Variants in CLVS2 observed in about 807,000 individuals in gnomAD.
CLVS2 encodes clavesin-2.
In CLVS2, 19 loss-of-function variants were observed where a neutral mutation model predicts 29.0. The ratio of observed to expected loss-of-function variants is 0.66; its 90% CI spans 0.46 to 0.96. CLVS2 has a LOEUF of 0.96. Ranked by LOEUF, CLVS2 falls within the 40% of genes least tolerant of loss-of-function variation. CLVS2 has a pLI of 0.00. For synonymous variants in CLVS2, 161 were observed against 151.3 expected (o/e 1.06, Z -0.47); for missense variants, 294 against 404.1 (o/e 0.73, Z 2.34).
At chr6:122,998,231 T>G in intron 2 of CLVS2, 65 bp downstream of exon 2, 1 of 1,501,334 alleles carries the variant, frequency 6.7e-7, no homozygotes, top group East Asian at 2.3e-5. Context: ...TTACCCCGAG[T>G]AGTGTCATGG....
intron 3 of CLVS2, among the ~76,000 whole-genome samples, chr6:123,034,944 G>T (rs964925557): frequency 2.6e-5 from 4 of 152,098 alleles, no homozygotes; most frequent in Non-Finnish European, 2.9e-5. Flanking sequence ...TCTGACTGGT[G>T]TAAAGTAAAA....
rs1772859991 is a variant in CLVS2 at position 123,066,631 on chromosome 6, C to A, written c.*2870C>A. Reference sequence around the variant, plus strand: ...AAGCTGGTTTAAAAATAAATAACTTCTCTTATGTTGTCAGTGATGTTTGCC... The same window carrying A: ...AAGCTGGTTTAAAAATAAATAACTTATCTTATGTTGTCAGTGATGTTTGCC... On this transcript the variant is annotated 3_prime_UTR_variant, in exon 6 of 6. Coordinates refer to ENST00000275162, the MANE Select transcript of CLVS2 (RefSeq NM_001010852.4). The A allele has an allele frequency of 6.6e-6, 1 of 151,666 alleles. No individual in the cohort carries two copies. The highest frequency in any genetic ancestry group is 6.6e-5 in the Admixed American group (1 of 15,154). 9.4% of individuals were successfully genotyped at this position (151,666 alleles called of 1,614,324 possible).
chr6:122,999,619 T>C (rs1774560577), intron 2 of CLVS2, among the ~76,000 whole-genome samples: 2 of 152,202 alleles, frequency 1.3e-5, no homozygotes, highest in Admixed American at 1.3e-4. Flanking sequence ...ATCCTAAAAG[T>C]ACATTGTAGG....
chr6:123,056,611 C>T (rs1011111985), intron 5 of CLVS2, among the ~76,000 whole-genome samples: 1 of 152,176 alleles, frequency 6.6e-6, no homozygotes, highest in African/African-American at 2.4e-5. Flanking sequence ...CCTTGGAAGT[C>T]ACCAAATCTG....
At chr6:123,012,713 T>C (rs1774767826) in intron 3 of CLVS2, among the ~76,000 whole-genome samples, 1 of 152,028 alleles carries the variant, frequency 6.6e-6, no homozygotes, top group Non-Finnish European at 1.5e-5. Context: ...TCTGTGCTTA[T>C]GTCTAGTGAA....
At chr6:123,042,163 A>T (rs1052137206) in intron 3 of CLVS2, among the ~76,000 whole-genome samples, 1 of 152,020 alleles carries the variant, frequency 6.6e-6, no homozygotes, top group Non-Finnish European at 1.5e-5. Context: ...TCAAGTAAAA[A>T]CCCTTTCTAA....
In CLVS2 at chr6:123,066,815, T is replaced by C. The variant is rs1480047052; in HGVS notation, c.*3054T>C. 4.0e-5 allele frequency: 6 copies of C among 151,762 alleles called. No homozygotes were observed. Among genetic ancestry groups the C allele is most frequent in the Non-Finnish European group, 7.4e-5 (5 of 67,748 alleles). 9.4% of individuals were successfully genotyped at this position (151,762 alleles called of 1,614,324 possible). The stretch of plus-strand genomic sequence containing the variant: ...AAAAAGTAAATACGTAAATCTATAT[T>C]ATATAGGTGAAATATAGATATCATT... On this transcript the variant is annotated 3_prime_UTR_variant, in exon 6 of 6. Transcript: ENST00000275162.
chr6:123,042,398 A>G (rs73543792), intron 3 of CLVS2, among the ~76,000 whole-genome samples: 4,915 of 152,246 alleles, frequency 0.032, 243 homozygotes, highest in African/African-American at 0.11. Context: ...TGGCTTCTAC[A>G]CAATTCCTTG....
intron 5 of CLVS2, among the ~76,000 whole-genome samples, chr6:123,061,072 G>C (rs191563095): frequency 6.6e-6 from 1 of 152,200 alleles, no homozygotes; most frequent in Admixed American, 6.5e-5. Flanking sequence ...AGGCCAAAGC[G>C]GGTGGATCAC....
At position 123,066,114 on chromosome 6, in the gene CLVS2, T is replaced by C. The variant is rs1228546838; in HGVS notation, c.*2353T>C. The stretch of plus-strand genomic sequence containing the variant: ...TGAAATTACCATATCTAGTTCATTC[T>C]GTGAATAAACTCATTTTCTAGTAAT... On this transcript the variant is annotated 3_prime_UTR_variant, in exon 6 of 6. Coordinates refer to ENST00000275162, the MANE Select transcript of CLVS2 (RefSeq NM_001010852.4). The C allele has an allele frequency of 2.0e-5, 3 of 151,750 alleles. No individual in the cohort carries two copies. Among genetic ancestry groups the C allele is most frequent in the Non-Finnish European group, 4.4e-5 (3 of 67,746 alleles). The allele number at this position is 151,750 out of a possible 1,614,324, so 9.4% of individuals were successfully genotyped here.
Position 123,070,764 on chromosome 6 carries a change from TTAGA to T in CLVS2, c.*7006_*7009del, listed in dbSNP as rs1396082432. Reference sequence around the variant, plus strand: ...TTCTCTACCCCGTTCTTGCCTTTTCTTAGATAATCTCTTAAGAATCTCTCCTTTA... The same window carrying T: ...TTCTCTACCCCGTTCTTGCCTTTTCTTAATCTCTTAAGAATCTCTCCTTTA... On this transcript the variant is annotated 3_prime_UTR_variant, in exon 6 of 6. Coordinates refer to ENST00000275162, the MANE Select transcript of CLVS2 (RefSeq NM_001010852.4). The T allele has an allele frequency of 6.6e-6, 1 of 152,140 alleles. No homozygotes were observed. Among genetic ancestry groups the T allele is most frequent in the South Asian group, 2.1e-4 (1 of 4,826 alleles). 9.4% of individuals were successfully genotyped at this position (152,140 alleles called of 1,614,324 possible). A position where few individuals can be genotyped will look rare whatever the true frequency, so the allele number is the denominator to read the frequency against.
At chr6:123,034,329 T>C (rs1421917788) in intron 3 of CLVS2, among the ~76,000 whole-genome samples, 2 of 152,120 alleles carry the variant, frequency 1.3e-5, no homozygotes, top group Admixed American at 1.3e-4. Flanking sequence ...AATAGGTGAA[T>C]GGTTAAAGCT....
rs1233085331 is a variant in CLVS2 at position 123,066,944 on chromosome 6, G to A, written c.*3183G>A. ...ACTTTAGTACATGTTAATGATAAAC[G>A]TGGCACTAGGCTAAAACGATATACG... On this transcript the variant is annotated 3_prime_UTR_variant, in exon 6 of 6. Coordinates refer to ENST00000275162, the MANE Select transcript of CLVS2 (RefSeq NM_001010852.4). 5 of 151,756 alleles carry A rather than the reference G, an allele frequency of 3.3e-5. No homozygotes were observed. Among genetic ancestry groups the A allele is most frequent in the East Asian group, 3.9e-4 (2 of 5,176 alleles). 9.4% of individuals were successfully genotyped at this position (151,756 alleles called of 1,614,324 possible).
chr6:123,030,453 A>G (rs1348184081), intron 3 of CLVS2, among the ~76,000 whole-genome samples: 1 of 152,170 alleles, frequency 6.6e-6, no homozygotes, highest in Non-Finnish European at 1.5e-5. Context: ...ACCTAAAACT[A>G]TCTGTTGTTC....
At chr6:123,043,358 G>A (rs1033880232) in intron 3 of CLVS2, among the ~76,000 whole-genome samples, 14 of 152,020 alleles carry the variant, frequency 9.2e-5, no homozygotes, top group African/African-American at 3.4e-4. Flanking sequence ...CTAGTGTCAA[G>A]TAGGATTAAT....
chr6:122,998,249 G>A (rs1338611983), intron 2 of CLVS2, 83 bp downstream of exon 2: 2 of 1,453,542 alleles, frequency 1.4e-6, no homozygotes, highest in African/African-American at 2.8e-5. Context: ...TGGTTTTGTA[G>A]ATTTGATATT....
At chr6:123,002,360 A>T (rs1263482460) in intron 2 of CLVS2, among the ~76,000 whole-genome samples, 6 of 152,102 alleles carry the variant, frequency 3.9e-5, no homozygotes, top group Admixed American at 1.3e-4. Context: ...GTTTGCTCCT[A>T]TTGTGTGGCT....
At chr6:123,016,761 G>T (rs923472957) in intron 3 of CLVS2, among the ~76,000 whole-genome samples, 2 of 152,106 alleles carry the variant, frequency 1.3e-5, no homozygotes, top group African/African-American at 2.4e-5. Context: ...ACAGAATAAA[G>T]AATATGTAAT....
intron 2 of CLVS2, among the ~76,000 whole-genome samples, chr6:123,010,483 T>C (rs1198716750): frequency 6.6e-6 from 1 of 152,116 alleles, no homozygotes; most frequent in Non-Finnish European, 1.5e-5. Flanking sequence ...TTTCTATCCC[T>C]ACCACCTTTC....
Sources: allele counts gnomAD v4.1 joint callset (sites outside exome capture counted in the v4.1 genomes callset), GRCh38; gene constraint gnomAD v4.1.1; transcripts MANE v1.5; gene names NCBI Gene and HGNC (gene_info 2026-07-23, HGNC 2026-07-21).